GALNT13: variants seen among roughly 807,000 people sequenced by gnomAD.
The protein encoded by GALNT13 is UDP-GalNAc:polypeptide N-acetylgalactosaminyltransferase 13.
Under a neutral mutation model 64.2 loss-of-function variants are expected in GALNT13, and 28 were observed. The observed-to-expected ratio is 0.44, with a 90% CI of 0.32 to 0.60. The LOEUF (loss-of-function observed/expected upper bound fraction) is 0.60, where lower values mean the gene tolerates loss of function less well. Ranked by LOEUF, GALNT13 falls within the 20% of genes least tolerant of loss-of-function variation. The probability of loss-of-function intolerance (pLI) is 0.05; values close to 1 mark genes in which losing one functional copy is unlikely to be tolerated. For synonymous variants in GALNT13, 214 were observed against 224.6 expected, an observed-to-expected ratio of 0.95 and a Z score of 0.42; for missense variants, 577 against 669.8, an observed-to-expected ratio of 0.86 and a Z score of 1.53.
intron 3 of GALNT13, among the ~76,000 whole-genome samples, chr2:154,038,302 T>G (rs929535001): frequency 4.3e-4 from 66 of 152,122 alleles, no homozygotes; most frequent in African/African-American, 1.5e-3. Flanking sequence ...CAAAACACTT[T>G]GAATGGCCAA....
At chr2:153,752,430 G>A in the GALNT13 span, among the ~76,000 whole-genome samples, 1 of 152,056 alleles carries the variant, frequency 6.6e-6, no homozygotes, top group Non-Finnish European at 1.5e-5. Flanking sequence ...GTCTGGTGTT[G>A]ATGAAATCCC....
the GALNT13 span, among the ~76,000 whole-genome samples, chr2:153,347,673 TAGG>T: frequency 2.6e-5 from 4 of 152,070 alleles, no homozygotes; most frequent in Non-Finnish European, 5.9e-5. Context: ...GTAGAGGAAA[TAGG>T]AGTCATACAT....
the GALNT13 span, among the ~76,000 whole-genome samples, chr2:153,454,156 T>C: frequency 6.6e-6 from 1 of 152,174 alleles, no homozygotes; most frequent in African/African-American, 2.4e-5. Context: ...CTTGAAACCC[T>C]AACTATTCAG....
intron 8 of GALNT13, among the ~76,000 whole-genome samples, chr2:154,261,389 T>C (rs1301512062): frequency 6.6e-6 from 1 of 152,174 alleles, no homozygotes; most frequent in African/African-American, 2.4e-5. Context: ...TATTAGACTC[T>C]TAATTTATGT....
chr2:153,376,432 A>G, the GALNT13 span, among the ~76,000 whole-genome samples: 6 of 152,180 alleles, frequency 3.9e-5, no homozygotes, highest in African/African-American at 1.4e-4. Context: ...AATGGAAGCA[A>G]CTGCAGGATA....
At chr2:154,347,765 C>G (rs1696152857) in intron 9 of GALNT13, among the ~76,000 whole-genome samples, 1 of 152,098 alleles carries the variant, frequency 6.6e-6, no homozygotes, top group African/African-American at 2.4e-5. Flanking sequence ...CTTTCATGTT[C>G]AGCACAACTC....
At chr2:153,151,718 A>G in the GALNT13 span, among the ~76,000 whole-genome samples, 1 of 152,106 alleles carries the variant, frequency 6.6e-6, no homozygotes, top group East Asian at 1.9e-4. Context: ...TTCTCAGCAA[A>G]CTATCGCAAG....
At chr2:153,570,414 A>T in the GALNT13 span, among the ~76,000 whole-genome samples, 1 of 151,688 alleles carries the variant, frequency 6.6e-6, no homozygotes, top group Non-Finnish European at 1.5e-5. Context: ...AGCAAATAAT[A>T]ACTTTGTTTA....
At chr2:153,746,628 G>A in the GALNT13 span, among the ~76,000 whole-genome samples, 3 of 152,214 alleles carry the variant, frequency 2.0e-5, no homozygotes, top group South Asian at 4.1e-4. Context: ...GAGAACTCGT[G>A]TATTTCTGGT....
chr2:153,241,630 T>C, the GALNT13 span, among the ~76,000 whole-genome samples: 1 of 150,402 alleles, frequency 6.6e-6, no homozygotes, highest in African/African-American at 2.4e-5. Context: ...GTGTAAAAAA[T>C]TCTTACAAGC....
the GALNT13 span, among the ~76,000 whole-genome samples, chr2:153,091,498 A>G: frequency 6.6e-6 from 1 of 152,168 alleles, no homozygotes; most frequent in Non-Finnish European, 1.5e-5. Flanking sequence ...TTGCAGTGGC[A>G]TGCTGCTCCT....
chr2:153,367,264 G>GT, the GALNT13 span, among the ~76,000 whole-genome samples: 1 of 152,036 alleles, frequency 6.6e-6, no homozygotes, highest in African/African-American at 2.4e-5. Context: ...TCTGATATCA[G>GT]TATCACAAAG....
the GALNT13 span, among the ~76,000 whole-genome samples, chr2:153,827,752 G>C: frequency 2.0e-5 from 3 of 151,828 alleles, no homozygotes; most frequent in African/African-American, 7.3e-5. Context: ...GTCCTCCAAA[G>C]TCTTAACTCA....
rs559228103 is a variant in GALNT13 at position 154,020,097 on chromosome 2, C to T, written c.142+75458C>T. On this transcript the variant is annotated intron_variant, in intron 3 of 12. Coordinates refer to ENST00000392825, the MANE Select transcript of GALNT13 (RefSeq NM_052917.4). The stretch of plus-strand genomic sequence containing the variant: ...GTGCCACATTTTCTTACTAGTCTGT[C>T]GTTGTTGCACATTTAGGTTGGTTCC... Among the ~76,000 whole-genome samples the T allele has an allele frequency of 1.6e-3, 237 of 152,188 alleles. 2 individuals are homozygous for T. Among genetic ancestry groups the T allele is most frequent in the African/African-American group, 4.8e-3 (200 of 41,534 alleles).
At chr2:153,504,660 A>C in the GALNT13 span, among the ~76,000 whole-genome samples, 1 of 152,038 alleles carries the variant, frequency 6.6e-6, no homozygotes. Context: ...TTTTGTTTTT[A>C]ATTCTGTTTA....
intron 12 of GALNT13, among the ~76,000 whole-genome samples, chr2:154,439,053 G>T (rs796075506): frequency 2.0e-5 from 3 of 152,200 alleles, no homozygotes; most frequent in African/African-American, 7.2e-5. Flanking sequence ...GTGCATACAG[G>T]ATAATATTGA....
intron 4 of GALNT13, among the ~76,000 whole-genome samples, chr2:154,187,038 C>T (rs180860310): frequency 5.9e-5 from 9 of 152,040 alleles, no homozygotes; most frequent in Admixed American, 5.9e-4. Flanking sequence ...AGTAGTCTTA[C>T]AACTTTTCTA....
chr2:154,444,989 G>T (rs1420444605), intron 12 of GALNT13, among the ~76,000 whole-genome samples: 1 of 151,848 alleles, frequency 6.6e-6, no homozygotes, highest in Admixed American at 6.6e-5. Context: ...AAAATTATTA[G>T]AACATACATA....
At chr2:154,055,143 C>G (rs1039333784) in intron 3 of GALNT13, among the ~76,000 whole-genome samples, 1 of 151,834 alleles carries the variant, frequency 6.6e-6, no homozygotes, top group African/African-American at 2.4e-5. Context: ...GAATTTTTGT[C>G]CTATCATTGT....
Sources: gnomAD v4.1 joint callset for allele counts (sites outside exome capture counted in the v4.1 genomes callset) on GRCh38, gnomAD v4.1.1 for gene constraint, MANE v1.5 for transcripts, NCBI Gene and HGNC (gene_info 2026-07-23, HGNC 2026-07-21) for gene names.